KIF1B: variants seen among roughly 807,000 people sequenced by gnomAD.
The protein encoded by KIF1B is kinesin family member 1B, also known as kinesin-like protein KIF1B.
A neutral mutation model predicts 241.9 loss-of-function variants in KIF1B; 76 were observed. That is an observed-to-expected ratio of 0.31 (90% CI 0.26 to 0.38). The LOEUF is 0.38. Among genes scored for constraint, KIF1B ranks in the 10% least tolerant of loss-of-function variants. The probability of loss-of-function intolerance (pLI) is 1.00; values close to 1 mark genes in which losing one functional copy is unlikely to be tolerated. For synonymous variants in KIF1B, 750 were observed against 796.7 expected, an observed-to-expected ratio of 0.94 and a Z score of 0.99; for missense variants, 1,622 against 2,271.4, an observed-to-expected ratio of 0.71 and a Z score of 5.81.
chr1:10,233,307 C>G (rs1647005609), intron 2 of KIF1B, among the ~76,000 whole-genome samples: 1 of 152,114 alleles, frequency 6.6e-6, no homozygotes, highest in African/African-American at 2.4e-5. Flanking sequence ...GGGCTTGCAA[C>G]AATCTTTTTT....
intron 7 of KIF1B, 89 bp downstream of exon 7, chr1:10,268,352 T>C: frequency 4.7e-6 from 4 of 851,622 alleles, no homozygotes; most frequent in Middle Eastern, 2.5e-4. Flanking sequence ...TTGTGGAAGG[T>C]TGGGTGTTGG....
At chr1:10,269,800 A>G (rs1648684660) in intron 7 of KIF1B, among the ~76,000 whole-genome samples, 1 of 152,232 alleles carries the variant, frequency 6.6e-6, no homozygotes, top group Non-Finnish European at 1.5e-5. Context: ...CCTGGGTAAC[A>G]AGAGCGAAAC....
chr1:10,366,183 A>G (rs1638567511), intron 43 of KIF1B, among the ~76,000 whole-genome samples: 1 of 152,210 alleles, frequency 6.6e-6, no homozygotes, highest in Non-Finnish European at 1.5e-5. Flanking sequence ...GTGAGCCGAG[A>G]TAGCTCCACT....
At chr1:10,366,297 C>T (rs181645600) in intron 43 of KIF1B, among the ~76,000 whole-genome samples, 8 of 151,942 alleles carry the variant, frequency 5.3e-5, no homozygotes, top group South Asian at 2.1e-4. Context: ...AATATTAGGT[C>T]ACAAGCATAT....
At chr1:10,375,465 A>G (rs922413166) in intron 48 of KIF1B, 92 bp downstream of exon 48, 20 of 992,506 alleles carry the variant, frequency 2.0e-5, no homozygotes, top group African/African-American at 4.8e-5. Flanking sequence ...GCTCACTGCA[A>G]CCTCCGCCCC....
chr1:10,229,473 T>C (rs1432743248), intron 1 of KIF1B, among the ~76,000 whole-genome samples: 1 of 152,048 alleles, frequency 6.6e-6, no homozygotes, highest in Non-Finnish European at 1.5e-5. Context: ...ATTCTGGTGG[T>C]AGAGTGAGAG....
At chr1:10,287,425 T>C (rs1649768530) in intron 15 of KIF1B, among the ~76,000 whole-genome samples, 1 of 152,182 alleles carries the variant, frequency 6.6e-6, no homozygotes, top group Non-Finnish European at 1.5e-5. Context: ...TGAACTCTTG[T>C]CTCTGGTCCA....
intron 22 of KIF1B, 129 bp from the exon 23 acceptor site, chr1:10,319,914 G>T: frequency 1.5e-6 from 1 of 674,364 alleles, no homozygotes. Flanking sequence ...TTTTATTATT[G>T]TTTCCTGCCT....
intron 38 of KIF1B, among the ~76,000 whole-genome samples, chr1:10,356,623 C>A (rs943621070): frequency 6.8e-6 from 1 of 146,330 alleles, no homozygotes; most frequent in Non-Finnish European, 1.5e-5. Flanking sequence ...AAAATGCGGC[C>A]GGGCACGGTG....
chr1:10,303,138 A>AT lies in KIF1B; in HGVS notation c.2115+5898dup, dbSNP rs749972865. ...TTTTAATTTTGGTTATTTTGGGGCC[A>AT]TTTTTTGATTTTGTTTTTCCAAAGG... On this transcript the variant is annotated intron_variant, in intron 22 of 48. Transcript: ENST00000676179. This position sits in a 1 kb window ranked among gnomAD's most constrained non-coding sequence, Gnocchi z 5.2. 7.5e-6 allele frequency: 12 copies of AT among 1,594,964 alleles called. No homozygotes were observed. The highest frequency in any genetic ancestry group is 1.0e-5 in the Non-Finnish European group (12 of 1,172,720).
chr1:10,236,339 A>G (rs1647052208), intron 2 of KIF1B, among the ~76,000 whole-genome samples: 1 of 152,140 alleles, frequency 6.6e-6, no homozygotes, highest in African/African-American at 2.4e-5. Context: ...AAATTTTCAG[A>G]ATTGTAGCTT....
rs944735936 is a variant in KIF1B, at chr1:10,380,304, G to A, written c.*3717G>A. The A allele has an allele frequency of 1.9e-5, 4 of 210,354 alleles. No homozygotes were observed. Among genetic ancestry groups the A allele is most frequent in the Non-Finnish European group, 3.9e-5 (4 of 103,402 alleles). The allele number at this position is 210,354 out of a possible 1,614,324, so 13.0% of individuals were successfully genotyped here. On this transcript the variant is annotated 3_prime_UTR_variant, in exon 49 of 49. Coordinates refer to ENST00000676179, the MANE Select transcript of KIF1B (RefSeq NM_001365951.3). ...TCGGTACTCTTTCTGCATTTCCCTCGTGCTGTGTCCCGCTCGGGTTCCAAT... is the reference window on the plus strand; with the variant it reads ...TCGGTACTCTTTCTGCATTTCCCTCATGCTGTGTCCCGCTCGGGTTCCAAT...
In KIF1B at chr1:10,365,598, T is replaced by TC; in HGVS notation, c.4703dup (p.Gly1569ArgfsTer38). 1 of 1,614,124 alleles carries TC rather than the reference T, an allele frequency of 6.2e-7. No homozygotes were observed. The highest frequency in any genetic ancestry group is 8.5e-7 in the Non-Finnish European group (1 of 1,180,032). On this transcript the variant is annotated frameshift_variant, in exon 43 of 49. Coordinates refer to ENST00000676179, the MANE Select transcript of KIF1B (RefSeq NM_001365951.3). LOFTEE classifies it high-confidence loss of function. The surrounding 1 kb of genome is among the most constrained non-coding windows in gnomAD (Gnocchi z 4.0). ...ACCTAGCGAGAGCAGTGGCTATGAT[T>TC]CAGGAGACATCGAAAGCCTGGTGGA...
At chr1:10,227,812 A>C (rs1646929767) in intron 1 of KIF1B, 2 of 154,018 alleles carry the variant, frequency 1.3e-5, no homozygotes, top group South Asian at 4.1e-4. Flanking sequence ...TCATCTCAAA[A>C]AAAAAAGAGT....
intron 37 of KIF1B, among the ~76,000 whole-genome samples, chr1:10,349,833 T>C (rs1342264388): frequency 6.6e-6 from 1 of 152,178 alleles, no homozygotes; most frequent in Non-Finnish European, 1.5e-5. Flanking sequence ...AGCCTTAGAA[T>C]TATGTTTTCA....
At chr1:10,296,852 A>G (rs766113063) in intron 20 of KIF1B, 45 bp from the exon 21 acceptor site, 4 of 1,545,904 alleles carry the variant, frequency 2.6e-6, no homozygotes, top group Admixed American at 1.7e-5. Flanking sequence ...GATACTATAT[A>G]TTAAAAAAAT....
Position 10,339,969 on chromosome 1 carries a change from G to A in KIF1B, c.3513+110G>A, listed in dbSNP as rs1652329458. The stretch of plus-strand genomic sequence containing the variant: ...ACAAGTCACTGGCTGTGCAGGGGGA[G>A]AGTAGACAATAGAGGGCGTGGCTAG... On this transcript the variant is annotated intron_variant, in intron 32 of 48. Transcript: ENST00000676179. 3 of 906,918 alleles carry A rather than the reference G, an allele frequency of 3.3e-6. No homozygotes were observed. The East Asian group carries it at 7.8e-5, about 24-fold the overall frequency. 56.2% of individuals were successfully genotyped at this position (906,918 alleles called of 1,614,324 possible).
chr1:10,274,233 C>T (rs971779989), intron 10 of KIF1B, among the ~76,000 whole-genome samples: 4 of 152,112 alleles, frequency 2.6e-5, no homozygotes, highest in African/African-American at 7.2e-5. Context: ...CCACTGTGCC[C>T]GGCCTCCCCT....
At chr1:10,270,289 T>A (rs957659246) in intron 7 of KIF1B, among the ~76,000 whole-genome samples, 1 of 152,212 alleles carries the variant, frequency 6.6e-6, no homozygotes, top group African/African-American at 2.4e-5. Flanking sequence ...CTTTTGTCAC[T>A]ATATATTAAT....
Sources: allele counts gnomAD v4.1 joint callset (sites outside exome capture counted in the v4.1 genomes callset), GRCh38; gene constraint gnomAD v4.1.1; non-coding constraint Gnocchi (gnomAD v3.1); transcripts MANE v1.5; gene names NCBI Gene and HGNC (gene_info 2026-07-23, HGNC 2026-07-21).